Variants in DQX1 observed in about 807,000 individuals in gnomAD.
DQX1 encodes DEAQ-box RNA dependent ATPase 1.
A neutral mutation model predicts 81.3 loss-of-function variants in DQX1; 66 were observed. The observed-to-expected ratio is 0.81, with a 90% CI of 0.67 to 1.00. The LOEUF is 1.00. Ranked by LOEUF, DQX1 falls within the 50% of genes least tolerant of loss-of-function variation. The probability of loss-of-function intolerance (pLI) is 0.00; values close to 1 mark genes in which losing one functional copy is unlikely to be tolerated. For missense variants in DQX1, 798 were observed against 867.9 expected (o/e 0.92, Z 1.01); for synonymous variants, 290 against 350.0 (o/e 0.83, Z 1.91).
rs1161448598 is a variant in DQX1, at chr2:74,518,393, G to C, written c.*53C>G. 1.2e-5 allele frequency: 19 copies of C among 1,594,266 alleles called. No individual in the cohort carries two copies. The highest frequency in any genetic ancestry group is 1.5e-5 in the Non-Finnish European group (17 of 1,166,600). On this transcript the variant is annotated 3_prime_UTR_variant, in exon 12 of 12. Coordinates refer to ENST00000404568, the MANE Select transcript of DQX1 (RefSeq NM_133637.3). ...TCTGGGTGCTTTGGTGTCACCCTGA[G>C]GGATAATCTAATGTGATGAGATGAA... is the stretch of plus-strand genomic sequence containing the variant.
In DQX1 at chr2:74,524,216, G is replaced by A. The variant is rs771891842; in HGVS notation, c.523C>T (p.Arg175Trp). 23 of 1,613,912 alleles carry A rather than the reference G, an allele frequency of 1.4e-5. No individual in the cohort carries two copies. Among genetic ancestry groups the A allele is most frequent in the Middle Eastern group, 1.6e-4 (1 of 6,084 alleles). ...TGGAGTGAATCTGATGCCACCGACC[G>A]CTCCTGAGCCTCATCTAGTACCAGC... is the stretch of plus-strand genomic sequence containing the variant. Reference protein sequence around the residue: ...GVLVLDEAQERSVASDSLQGL... With the variant: ...GVLVLDEAQEWSVASDSLQGL... The change falls in exon 4 of 12, where the codon CGG (arginine) becomes TGG (tryptophan). Residue 175 changes from arginine to tryptophan, a missense_variant. Transcript: ENST00000404568.
chr2:74,520,093 G>A lies in DQX1; in HGVS notation c.1496-59C>T, dbSNP rs1402558262. On this transcript the variant is annotated intron_variant, in intron 8 of 11. Coordinates refer to ENST00000404568, the MANE Select transcript of DQX1 (RefSeq NM_133637.3). ...ATTTGGGAAATGGGAAGGGATAGTA[G>A]TACAGGTAGAATGCTGAAAAGGCAG... 11 of 1,581,290 alleles carry A rather than the reference G, an allele frequency of 7.0e-6. No homozygotes were observed. The African/African-American group carries it at 1.5e-4, about 21-fold the overall frequency.
Position 74,523,104 on chromosome 2 carries a change from G to C in DQX1, c.1144+15C>G. The C allele has an allele frequency of 6.2e-7, 1 of 1,614,096 alleles. No individual in the cohort carries two copies. Among genetic ancestry groups the C allele is most frequent in the South Asian group, 1.1e-5 (1 of 91,082 alleles). On this transcript the variant is annotated intron_variant, in intron 6 of 11. Transcript: ENST00000404568. ...CTCTTGGGTTTTTTATTTCAGTGAG[G>C]GCAAAGGCTCTTACCTGGTGGGAAC...
Position 74,520,056 on chromosome 2 carries a change from G to A in DQX1, c.1496-22C>T, listed in dbSNP as rs202104164. ...GCAGCTGGAGGCAGAAGAGTGGAAG[G>A]TAGAATCTGCCATTTGGGAAATGGG... On this transcript the variant is annotated intron_variant, in intron 8 of 11. Coordinates refer to ENST00000404568, the MANE Select transcript of DQX1 (RefSeq NM_133637.3). 25 of 1,603,830 alleles carry A rather than the reference G, an allele frequency of 1.6e-5. No individual in the cohort carries two copies. In the Admixed American group the frequency reaches 3.2e-4, roughly 20 times the overall value.
chr2:74,518,344 C>T lies in DQX1; in HGVS notation c.*102G>A. 6.9e-7 allele frequency: 1 copy of T among 1,445,198 alleles called. No individual in the cohort carries two copies. The highest frequency in any genetic ancestry group is 9.4e-7 in the Non-Finnish European group (1 of 1,065,428). The allele number at this position is 1,445,198 out of a possible 1,614,324, so 89.5% of individuals were successfully genotyped here. Reference sequence around the variant, plus strand: ...CAGGTTCCAGGGTTTACATTTGACCCTAAACTTTGGGCTTCTAAATCTGTC... The same window carrying T: ...CAGGTTCCAGGGTTTACATTTGACCTTAAACTTTGGGCTTCTAAATCTGTC... On this transcript the variant is annotated 3_prime_UTR_variant, in exon 12 of 12. Coordinates refer to ENST00000404568, the MANE Select transcript of DQX1 (RefSeq NM_133637.3).
In DQX1 at chr2:74,524,029, C is replaced by T. The variant is rs764272497; in HGVS notation, c.710G>A (p.Trp237Ter). ...EPGERPSPIYWDTIPPDRVEA... is the reference protein window; with the variant it reads ...EPGERPSPIY Reference sequence around the variant, plus strand: ...CACCCGATCAGGTGGGATGGTGTCCCAGTAGATGGGGGAAGGTCTCTCACC... The same window carrying T: ...CACCCGATCAGGTGGGATGGTGTCCTAGTAGATGGGGGAAGGTCTCTCACC... Residue 237 changes from tryptophan to a stop codon, truncating the protein, a stop_gained, in exon 4 of 12, where the codon TGG (tryptophan) becomes TAG (stop). Transcript: ENST00000404568. LOFTEE classifies it high-confidence loss of function. The T allele has an allele frequency of 1.5e-5, 24 of 1,614,188 alleles. No homozygotes were observed. The highest frequency in any genetic ancestry group is 1.9e-5 in the Non-Finnish European group (22 of 1,180,030).
rs760402229 is a variant in DQX1 at position 74,522,924 on chromosome 2, G to A, written c.1235C>T (p.Ser412Phe). 5.0e-6 allele frequency: 8 copies of A among 1,614,204 alleles called. No individual in the cohort carries two copies. The South Asian group carries it at 5.5e-5, about 11-fold the overall frequency. Residue 412 changes from serine (S) to phenylalanine (F), a missense_variant, in exon 7 of 12, where the codon TCC (serine) becomes TTC (phenylalanine). Coordinates refer to ENST00000404568, the MANE Select transcript of DQX1 (RefSeq NM_133637.3). ...TCTCCTTTTTAGTAGTAACACCAGG[G>A]AGCTCAGATTCTCCTCACACACCCT... ...QPRVCEENLS[S>F]LVLLLKRRQI...
At chr2:74,518,646 C>G (rs1674948566) in intron 11 of DQX1, 44 bp from the exon 12 acceptor site, 3 of 1,586,308 alleles carry the variant, frequency 1.9e-6, no homozygotes, top group Non-Finnish European at 2.6e-6. Context: ...TCTTCTCTCT[C>G]TCTGTCTCTC....
chr2:74,523,677 T>C, intron 4 of DQX1, 140 bp from the exon 5 acceptor site: 1 of 985,638 alleles, frequency 1.0e-6, no homozygotes, highest in Non-Finnish European at 1.5e-6. Context: ...GTTTTATAAT[T>C]TCAGGGGTTC....
In DQX1 at chr2:74,523,100, T is replaced by C. The variant is rs769579657; in HGVS notation, c.1144+19A>G. The stretch of plus-strand genomic sequence containing the variant: ...GTGACTCTTGGGTTTTTTATTTCAG[T>C]GAGGGCAAAGGCTCTTACCTGGTGG... On this transcript the variant is annotated intron_variant, in intron 6 of 11. Coordinates refer to ENST00000404568, the MANE Select transcript of DQX1 (RefSeq NM_133637.3). The C allele has an allele frequency of 2.5e-6, 4 of 1,614,184 alleles. No individual in the cohort carries two copies. The South Asian group carries it at 4.4e-5, about 18-fold the overall frequency.
chr2:74,519,281 G>T (rs1674965955), intron 10 of DQX1, 51 bp from the exon 11 acceptor site: 1 of 1,511,646 alleles, frequency 6.6e-7, no homozygotes, highest in Non-Finnish European at 8.9e-7. Context: ...GAAGAGGCAG[G>T]CAGTAGAAAA....
In DQX1 at chr2:74,518,196, G is replaced by A; in HGVS notation, c.*250C>T. ...ACAAGAATGGGTTTGGCAAAGTTAA[G>A]AGAATGAGGAGCATGTCAGTCCCTC... On this transcript the variant is annotated 3_prime_UTR_variant, in exon 12 of 12. Coordinates refer to ENST00000404568, the MANE Select transcript of DQX1 (RefSeq NM_133637.3). 1 of 430,952 alleles carries A rather than the reference G, an allele frequency of 2.3e-6. No homozygotes were observed. The highest frequency in any genetic ancestry group is 6.1e-4 in the Middle Eastern group (1 of 1,640). The allele number at this position is 430,952 out of a possible 1,614,324, so 26.7% of individuals were successfully genotyped here.
chr2:74,524,991 G>A lies in DQX1; in HGVS notation c.431+18C>T, dbSNP rs538278674. 4.4e-6 allele frequency: 7 copies of A among 1,605,812 alleles called. No homozygotes were observed. The highest frequency in any genetic ancestry group is 1.3e-5 in the African/African-American group (1 of 74,636). On this transcript the variant is annotated intron_variant, in intron 3 of 11. Transcript: ENST00000404568. ...ATAAGGGGAATTATATTCGGGTAAG[G>A]CCTGCAGAGGCCCCCACCTGAGCAG... is the stretch of plus-strand genomic sequence containing the variant.
chr2:74,525,507 C>A lies in DQX1; in HGVS notation c.223G>T (p.Gly75Cys). 1 of 1,552,276 alleles carries A rather than the reference C, an allele frequency of 6.4e-7. No individual in the cohort carries two copies. Among genetic ancestry groups the A allele is most frequent in the Non-Finnish European group, 8.7e-7 (1 of 1,147,196 alleles). Residue 75 changes from glycine (G) to cysteine (C), a missense_variant, in exon 2 of 12, where the codon GGC becomes TGC. Transcript: ENST00000404568. The surrounding 1 kb of genome is among the most constrained non-coding windows in gnomAD (Gnocchi z 4.1). Reference sequence around the variant, plus strand: ...CCCCACCACACCTGGGTGCTCTTGCCAGAACCAGGCTCCCCAGACACCAGC... The same window carrying A: ...CCCCACCACACCTGGGTGCTCTTGCAAGAACCAGGCTCCCCAGACACCAGC... The part of the protein sequence containing the change: ...VVLVSGEPGS[G>C]KSTQIPQWCA...
In DQX1 at chr2:74,523,492, AG is replaced by A; in HGVS notation, c.861del (p.Leu288CysfsTer74). On this transcript the variant is annotated frameshift_variant, in exon 5 of 12. Transcript: ENST00000404568. LOFTEE classifies it high-confidence loss of function. ...CCESLSREVESLLLQGLPPRV... is the reference protein window; with the variant it reads ...CCESLSREVEXLLLQGLPPRV... ...CGTGGTGGAAGCCCTTGGAGAAGCA[AG>A]GACTCTACCTCCCTGGACAAGGATT... The A allele has an allele frequency of 6.2e-7, 1 of 1,613,614 alleles. No individual in the cohort carries two copies.
rs1315024297 is a variant in DQX1, at chr2:74,525,682, A to G, written c.48T>C (p.Pro16=). Residue 16 remains proline, a synonymous_variant, in exon 2 of 12, where the codon CCT becomes CCC. Transcript: ENST00000404568. The surrounding 1 kb of genome is among the most constrained non-coding windows in gnomAD (Gnocchi z 4.1). ...GGTTCACAGCCAGTTCAGACTCCCC[A>G]GGACTTGGGCCATACTCTTCTGCTA... ...LRLAEEYGPS[P]GESELAVNPF... The G allele has an allele frequency of 1.3e-6, 2 of 1,551,766 alleles. No individual in the cohort carries two copies. The highest frequency in any genetic ancestry group is 2.0e-5 in the Admixed American group (1 of 51,012).
intron 1 of DQX1, 66 bp downstream of exon 1, chr2:74,526,069 GA>G: frequency 3.5e-6 from 1 of 285,624 alleles, no homozygotes; most frequent in East Asian, 8.5e-5. Context: ...GTCCTGAAGG[GA>G]AAAGGATAAA....
At chr2:74,524,388 G>A in intron 3 of DQX1, 81 bp from the exon 4 acceptor site, 1 of 1,512,196 alleles carries the variant, frequency 6.6e-7, no homozygotes, top group Non-Finnish European at 8.8e-7. Context: ...CTCCCCAAGG[G>A]ACGTATATTT....
intron 11 of DQX1, 145 bp downstream of exon 11, chr2:74,518,895 A>G (rs772581290): frequency 2.8e-5 from 26 of 925,140 alleles, no homozygotes; most frequent in Non-Finnish European, 3.8e-5. Context: ...TAAACTTCTC[A>G]CCAGCCCTTC....
Sources: allele counts gnomAD v4.1 joint callset, GRCh38; gene constraint gnomAD v4.1.1; non-coding constraint Gnocchi (gnomAD v3.1); transcripts MANE v1.5; gene names NCBI Gene and HGNC (gene_info 2026-07-23, HGNC 2026-07-21).